The following CDIN1 variants were observed in gnomAD, a reference collection of about 807,000 sequenced individuals.
CDIN1 encodes the protein CDAN1-interacting nuclease 1.
Under a neutral mutation model 45.3 loss-of-function variants are expected in CDIN1, and 33 were observed. The ratio of observed to expected loss-of-function variants is 0.73; its 90% CI spans 0.55 to 0.97. The LOEUF is 0.97. Among genes scored for constraint, CDIN1 ranks in the 50% least tolerant of loss-of-function variants. The pLI, the probability that CDIN1 is intolerant of heterozygous loss-of-function variation, is 0.00. For synonymous variants in CDIN1, 118 were observed against 124.4 expected (o/e 0.95, Z 0.34); for missense variants, 303 against 339.4 (o/e 0.89, Z 0.84).
rs1595696171 is a variant in CDIN1 at position 36,579,833 on chromosome 15, C to T, written c.-28C>T. On this transcript the variant is annotated 5_prime_UTR_variant, in exon 1 of 11. Coordinates refer to ENST00000566621, the MANE Select transcript of CDIN1 (RefSeq NM_001321759.2). Reference sequence around the variant, plus strand: ...AGCCCCAGGGTGTTTTTTCCTTGTTCCCGCCACCTCCTGGTCCCTGGCCCA... The same window carrying T: ...AGCCCCAGGGTGTTTTTTCCTTGTTTCCGCCACCTCCTGGTCCCTGGCCCA... 6.3e-7 allele frequency: 1 copy of T among 1,588,302 alleles called. No individual in the cohort carries two copies. The highest frequency in any genetic ancestry group is 8.6e-7 in the Non-Finnish European group (1 of 1,165,072).
In CDIN1 at chr15:36,654,811, A is replaced by G. The variant is rs16963783; in HGVS notation, c.273+653A>G. Among the ~76,000 whole-genome samples, 1,500 of 152,316 alleles carry G rather than the reference A, an allele frequency of 9.8e-3. 44 individuals are homozygous for G. The highest frequency in any genetic ancestry group is 0.09 in the East Asian group (467 of 5,174). ...TTCCCATGAATGAAGAAGCTGTGAA[A>G]AGTTCATAATAGTTGCAGAGAGCAT... On this transcript the variant is annotated intron_variant, in intron 4 of 10. Coordinates refer to ENST00000566621, the MANE Select transcript of CDIN1 (RefSeq NM_001321759.2).
At position 36,600,917 on chromosome 15, in the gene CDIN1, C is replaced by A. The variant is rs575093529; in HGVS notation, c.101+20956C>A. On this transcript the variant is annotated intron_variant, in intron 1 of 10. Coordinates refer to ENST00000566621, the MANE Select transcript of CDIN1 (RefSeq NM_001321759.2). ...TAGACTTTTCAATCCATTTTTATGTCATTTTTCCTATTTCAATGGTTAATT... is the reference window on the plus strand; with the variant it reads ...TAGACTTTTCAATCCATTTTTATGTAATTTTTCCTATTTCAATGGTTAATT... Among the ~76,000 whole-genome samples, 16 of 152,122 alleles carry A rather than the reference C, an allele frequency of 1.1e-4. 1 individual carries two copies. The highest frequency in any genetic ancestry group is 1.0e-3 in the Admixed American group (16 of 15,288).
chr15:36,651,251 G>A (rs1237120721), intron 3 of CDIN1, among the ~76,000 whole-genome samples: 1 of 152,024 alleles, frequency 6.6e-6, no homozygotes, highest in African/African-American at 2.4e-5. Context: ...GTTGGATGAA[G>A]GTTCAACATT....
intron 10 of CDIN1, among the ~76,000 whole-genome samples, chr15:36,787,716 T>A (rs1038251479): frequency 6.6e-6 from 1 of 152,126 alleles, no homozygotes; most frequent in Admixed American, 6.5e-5. Flanking sequence ...TTAATCGTAC[T>A]ATAGAGATAG....
intron 10 of CDIN1, chr15:36,756,080 A>G: frequency 2.2e-6 from 1 of 456,006 alleles, no homozygotes; most frequent in Non-Finnish European, 4.4e-6. Context: ...GGACTGGAGT[A>G]GATAAATAAG....
intron 10 of CDIN1, among the ~76,000 whole-genome samples, chr15:36,741,393 T>C (rs1300090016): frequency 2.6e-5 from 4 of 151,956 alleles, no homozygotes; most frequent in African/African-American, 9.7e-5. Context: ...CTGAAAAACT[T>C]CAAAGACCAG....
chr15:36,709,789 G>A (rs1191558686), intron 9 of CDIN1, 67 bp from the exon 10 acceptor site: 5 of 1,256,884 alleles, frequency 4.0e-6, no homozygotes, highest in African/African-American at 1.5e-5. Flanking sequence ...AGAGAGGCCT[G>A]TACAGAGTTC....
chr15:36,685,537 A>G (rs1439772098), intron 5 of CDIN1, among the ~76,000 whole-genome samples: 2 of 152,180 alleles, frequency 1.3e-5, no homozygotes, highest in Admixed American at 1.3e-4. Flanking sequence ...AGCAATGGCA[A>G]CAAAACACAA....
chr15:36,588,472 GA>G (rs918345417), intron 1 of CDIN1, among the ~76,000 whole-genome samples: 2 of 152,170 alleles, frequency 1.3e-5, no homozygotes, highest in African/African-American at 4.8e-5. Flanking sequence ...GAAAGAGAGA[GA>G]AAGGCTTTTA....
chr15:36,618,463 T>C, intron 1 of CDIN1: 1 of 1,022,518 alleles, frequency 9.8e-7, no homozygotes, highest in Admixed American at 1.7e-5. Flanking sequence ...GATGTCAATC[T>C]CAAGACCTCA....
chr15:36,647,683 G>A, intron 3 of CDIN1: 1 of 152,084 alleles, frequency 6.6e-6, no homozygotes, highest in East Asian at 1.9e-4. Context: ...AAAGGTTTTT[G>A]TTTGTTTTCC....
chr15:36,741,573 T>TACAGG (rs949872148), intron 10 of CDIN1, among the ~76,000 whole-genome samples: 4 of 151,974 alleles, frequency 2.6e-5, no homozygotes, highest in Admixed American at 6.6e-5. Flanking sequence ...CTGGGTGGCT[T>TACAGG]ACAGGACGGA....
intron 1 of CDIN1, among the ~76,000 whole-genome samples, chr15:36,592,649 G>T (rs948202055): frequency 6.6e-6 from 1 of 152,142 alleles, no homozygotes; most frequent in Non-Finnish European, 1.5e-5. Context: ...TAGCATGGGA[G>T]CTGGAATTAT....
chr15:36,678,279 A>G (rs1204156395), intron 5 of CDIN1, among the ~76,000 whole-genome samples: 7 of 152,206 alleles, frequency 4.6e-5, no homozygotes, highest in Non-Finnish European at 1.0e-4. Context: ...CAATATGGAA[A>G]TTGTTCAGGA....
At chr15:36,724,203 G>T (rs1026848605) in intron 10 of CDIN1, among the ~76,000 whole-genome samples, 37 of 152,132 alleles carry the variant, frequency 2.4e-4, no homozygotes, top group Non-Finnish European at 2.9e-5. Context: ...GCAGTGCTTA[G>T]ATTGAATAGA....
At chr15:36,762,615 G>A (rs1208957434) in intron 10 of CDIN1, among the ~76,000 whole-genome samples, 2 of 152,122 alleles carry the variant, frequency 1.3e-5, no homozygotes, top group East Asian at 3.9e-4. Context: ...TTTACATTAG[G>A]TATATCTCCT....
intron 3 of CDIN1, among the ~76,000 whole-genome samples, chr15:36,651,223 A>G (rs1205590916): frequency 2.0e-5 from 3 of 152,098 alleles, no homozygotes; most frequent in Non-Finnish European, 4.4e-5. Flanking sequence ...CCCAGTTGCA[A>G]TTTGGATGTT....
chr15:36,693,614 A>G (rs1450964624), intron 7 of CDIN1, among the ~76,000 whole-genome samples: 1 of 152,206 alleles, frequency 6.6e-6, no homozygotes, highest in Non-Finnish European at 1.5e-5. Context: ...TATTGATTTT[A>G]AATATAACTA....
At chr15:36,713,932 A>G (rs756087971) in intron 10 of CDIN1, among the ~76,000 whole-genome samples, 3 of 152,192 alleles carry the variant, frequency 2.0e-5, no homozygotes, top group South Asian at 2.1e-4. Flanking sequence ...GTTGAGTTCC[A>G]TCTTATCTAC....
Sources: gnomAD v4.1 joint callset for allele counts (sites outside exome capture counted in the v4.1 genomes callset) on GRCh38, gnomAD v4.1.1 for gene constraint, MANE v1.5 for transcripts, NCBI Gene and HGNC (gene_info 2026-07-23, HGNC 2026-07-21) for gene names.